The following SCN11A variants were observed in gnomAD, a reference collection of about 807,000 sequenced individuals.
SCN11A encodes the protein sodium channel protein type 11 subunit alpha.
SCN11A carries 122 observed loss-of-function variants against 162.2 expected under a neutral mutation model. The observed-to-expected ratio is 0.75, with a 90% confidence interval of 0.65 to 0.87. The LOEUF is 0.87. Among genes scored for constraint, SCN11A ranks in the 40% least tolerant of loss-of-function variants. SCN11A has a pLI of 0.00. For missense variants in SCN11A, 2,015 were observed against 2,181.6 expected (o/e 0.92, Z 1.52); for synonymous variants, 758 against 751.5 (o/e 1.01, Z -0.14).
chr3:38,944,094 T>C (rs2125571573), intron 7 of SCN11A, among the ~76,000 whole-genome samples: 1 of 152,272 alleles, frequency 6.6e-6, no homozygotes, highest in East Asian at 1.9e-4. Flanking sequence ...ATGTGTACAA[T>C]TATTATGTGT....
At chr3:38,847,959 T>C (rs1021246165) in intron 29 of SCN11A, among the ~76,000 whole-genome samples, 7 of 152,246 alleles carry the variant, frequency 4.6e-5, no homozygotes, top group African/African-American at 1.7e-4. Context: ...TTCTTCTACA[T>C]TTGTGTGTAG....
At chr3:38,945,662 T>TC (rs2066505917) in intron 6 of SCN11A, 150 bp from the exon 7 acceptor site, 3 of 519,076 alleles carry the variant, frequency 5.8e-6, no homozygotes, top group Non-Finnish European at 1.0e-5. Flanking sequence ...CTCACAACTG[T>TC]CCCCTCCTGT....
intron 28 of SCN11A, among the ~76,000 whole-genome samples, chr3:38,855,667 AC>A (rs1355393780): frequency 6.6e-6 from 1 of 152,178 alleles, no homozygotes. Context: ...GGAGAAAACG[AC>A]AGCTAATTCT....
intron 1 of SCN11A, among the ~76,000 whole-genome samples, chr3:39,047,885 G>T (rs976261077): frequency 6.6e-6 from 1 of 152,150 alleles, no homozygotes; most frequent in Non-Finnish European, 1.5e-5. Flanking sequence ...AATGCAGAGG[G>T]TGAGGATGCA....
rs1023287861 is a variant in SCN11A, at chr3:38,945,515, G to C, written c.387-3C>G. ...CGATAATGAACATGCTGAACAATGT[G>C]GCCAGCATCCATTAAGGCAGATATG... On this transcript the variant is annotated splice_polypyrimidine_tract_variant and splice_region_variant and intron_variant, in intron 6 of 29. Coordinates refer to ENST00000302328, the MANE Select transcript of SCN11A (RefSeq NM_001349253.2). The C allele has an allele frequency of 1.3e-6, 2 of 1,547,938 alleles. No homozygotes were observed. The highest frequency in any genetic ancestry group is 2.7e-5 in the African/African-American group (2 of 73,280).
intron 1 of SCN11A, among the ~76,000 whole-genome samples, chr3:39,036,034 C>T (rs1221553174): frequency 6.6e-6 from 1 of 152,224 alleles, no homozygotes; most frequent in African/African-American, 2.4e-5. Flanking sequence ...GGGAGGTCAC[C>T]ACATTGATGC....
At chr3:38,941,505 A>G (rs2066442420) in intron 7 of SCN11A, among the ~76,000 whole-genome samples, 1 of 152,206 alleles carries the variant, frequency 6.6e-6, no homozygotes, top group South Asian at 2.1e-4. Context: ...AGCAAAAATG[A>G]TAAACTGTAT....
chr3:38,855,447 C>T (rs2064852077), intron 28 of SCN11A, among the ~76,000 whole-genome samples: 1 of 152,142 alleles, frequency 6.6e-6, no homozygotes, highest in Non-Finnish European at 1.5e-5. Context: ...GTCCTAGTAG[C>T]TGAACACAAA....
chr3:38,870,151 T>C (rs1244161407), intron 26 of SCN11A, among the ~76,000 whole-genome samples: 1 of 152,338 alleles, frequency 6.6e-6, no homozygotes, highest in East Asian at 1.9e-4. Flanking sequence ...GCTAGATTAC[T>C]GAGTGCAATT....
At chr3:38,938,527 TATATATATATATATATATATATA>T (rs1400908599) in intron 7 of SCN11A, among the ~76,000 whole-genome samples, 3 of 17,138 alleles carry the variant, frequency 1.8e-4, no homozygotes, top group African/African-American at 3.3e-4. Flanking sequence ...TATATATATA[TATATATATATATATATATATATA>T]TTTTTTTTTT....
Position 38,909,983 on chromosome 3 carries a change from T to C in SCN11A, c.1101+83A>G, listed in dbSNP as rs78868452. 3.3e-4 allele frequency: 436 copies of C among 1,316,338 alleles called. 2 individuals carry two copies. In the East Asian group the frequency reaches 0.01, roughly 32 times the overall value. The allele number at this position is 1,316,338 out of a possible 1,614,324, so 81.5% of individuals were successfully genotyped here. On this transcript the variant is annotated intron_variant, in intron 12 of 29. Coordinates refer to ENST00000302328, the MANE Select transcript of SCN11A (RefSeq NM_001349253.2). ...ATGAATGGTAGTTATAAATAAATGG[T>C]AAATAAATAGGTAAGTGATAGAGGG... is the stretch of plus-strand genomic sequence containing the variant.
At chr3:38,876,985 G>T (rs1434676383) in intron 23 of SCN11A, among the ~76,000 whole-genome samples, 1 of 150,058 alleles carries the variant, frequency 6.7e-6, no homozygotes, top group Non-Finnish European at 1.5e-5. Flanking sequence ...TAAAGAAAAT[G>T]TGATATATAT....
chr3:38,998,839 T>C (rs141136413), intron 2 of SCN11A, among the ~76,000 whole-genome samples: 5,309 of 137,402 alleles, frequency 0.039, 201 homozygotes, highest in East Asian at 0.2. Context: ...TTCTCACTCA[T>C]AGGTGGGAAT....
intron 1 of SCN11A, among the ~76,000 whole-genome samples, chr3:39,037,033 T>C (rs1272360040): frequency 4.6e-5 from 7 of 152,264 alleles, no homozygotes; most frequent in South Asian, 2.1e-4. Context: ...CTCATGTTTA[T>C]TGCAGCTCTA....
chr3:38,862,811 G>A (rs997293945), intron 28 of SCN11A, among the ~76,000 whole-genome samples: 1 of 152,036 alleles, frequency 6.6e-6, no homozygotes, highest in East Asian at 1.9e-4. Flanking sequence ...TGGGTGACAG[G>A]TGCACCAAAC....
At chr3:38,896,028 T>C (rs540098887) in intron 18 of SCN11A, among the ~76,000 whole-genome samples, 3 of 152,230 alleles carry the variant, frequency 2.0e-5, no homozygotes, top group South Asian at 2.1e-4. Context: ...TAAATATCTA[T>C]GCTTCCAGCT....
chr3:38,976,987 C>A (rs1040160936), intron 2 of SCN11A, among the ~76,000 whole-genome samples: 1 of 152,214 alleles, frequency 6.6e-6, no homozygotes, highest in Admixed American at 6.5e-5. Context: ...ATATCAAATA[C>A]TGCACAGAGT....
At chr3:38,938,519 TATATATATATATATATATATATATATATA>T (rs2066375828) in intron 7 of SCN11A, among the ~76,000 whole-genome samples, 1 of 15,214 alleles carries the variant, frequency 6.6e-5, no homozygotes, top group Non-Finnish European at 1.3e-4. Context: ...CATATATATA[TATATATATATATATATATATATATATATA>T]TATTTTTTTT....
intron 27 of SCN11A, among the ~76,000 whole-genome samples, chr3:38,864,597 T>C (rs527386544): frequency 4.7e-4 from 72 of 152,294 alleles, no homozygotes; most frequent in African/African-American, 1.7e-3. Flanking sequence ...TCCACTTATA[T>C]ATTTCCTTGT....
Sources: allele counts gnomAD v4.1 joint callset (sites outside exome capture counted in the v4.1 genomes callset), GRCh38; gene constraint gnomAD v4.1.1; transcripts MANE v1.5; gene names NCBI Gene and HGNC (gene_info 2026-07-23, HGNC 2026-07-21).